Variants in DNAH14 observed in about 807,000 individuals in gnomAD.
The protein encoded by DNAH14 is axonemal beta dynein heavy chain 14.
In DNAH14, 478 loss-of-function variants were observed where a neutral mutation model predicts 520.9. That is an observed-to-expected ratio of 0.92 (90% CI 0.85 to 0.99). The LOEUF is 0.99. Among genes scored for constraint, DNAH14 ranks in the 50% least tolerant of loss-of-function variants. DNAH14 has a pLI of 0.00. For missense variants in DNAH14, 4,831 were observed against 5,234.5 expected (o/e 0.92, Z 2.38); for synonymous variants, 1,581 against 1,757.2 (o/e 0.90, Z 2.51).
chr1:224,946,155 CT>C (rs1418282564), intron 1 of DNAH14, among the ~76,000 whole-genome samples: 1 of 152,202 alleles, frequency 6.6e-6, no homozygotes, highest in African/African-American at 2.4e-5. Context: ...TGGGAGCTTC[CT>C]GGCTGCTTTG....
intron 7 of DNAH14, chr1:224,969,270 A>C (rs781668469): frequency 5.6e-5 from 10 of 179,478 alleles, no homozygotes; most frequent in Non-Finnish European, 1.0e-4. Flanking sequence ...ACTTAAATAC[A>C]CCCTACAGTT....
intron 81 of DNAH14, among the ~76,000 whole-genome samples, chr1:225,385,294 A>G (rs543046096): frequency 1.3e-5 from 2 of 152,324 alleles, no homozygotes; most frequent in South Asian, 4.1e-4. Flanking sequence ...CAAAAACTGG[A>G]AGCATTCCCT....
chr1:225,139,988 A>G (rs1317725854), intron 27 of DNAH14, among the ~76,000 whole-genome samples: 1 of 152,228 alleles, frequency 6.6e-6, no homozygotes, highest in Non-Finnish European at 1.5e-5. Flanking sequence ...AATGCTGTTG[A>G]TATAACAAGT....
At chr1:225,060,550 C>G (rs1227695204) in intron 17 of DNAH14, among the ~76,000 whole-genome samples, 1 of 152,164 alleles carries the variant, frequency 6.6e-6, no homozygotes, top group Non-Finnish European at 1.5e-5. Flanking sequence ...TGTTCGGTTG[C>G]TGGTGAGGAG....
At chr1:225,340,744 G>A in intron 69 of DNAH14, 43 bp downstream of exon 69, 1 of 1,500,542 alleles carries the variant, frequency 6.7e-7, no homozygotes, top group Non-Finnish European at 8.9e-7. Context: ...CTTTGCAAAG[G>A]ATAGAATAAA....
At position 225,303,242 on chromosome 1, in the gene DNAH14, G is replaced by GAT; in HGVS notation, c.8719_8720dup (p.Ser2908LeufsTer20). 1 of 1,551,480 alleles carries GAT rather than the reference G, an allele frequency of 6.4e-7. No homozygotes were observed. Among genetic ancestry groups the GAT allele is most frequent in the Non-Finnish European group, 8.7e-7 (1 of 1,146,798 alleles). On this transcript the variant is annotated frameshift_variant, in exon 57 of 86. Transcript: ENST00000682510. LOFTEE classifies it high-confidence loss of function. ...AAAATTGTAGAGTGTATCCTTCTAT[G>GAT]ATTAGCTCCTGCACGATCGATTGGT...
intron 36 of DNAH14, among the ~76,000 whole-genome samples, chr1:225,168,665 G>A (rs12411174): frequency 0.13 from 19,436 of 152,172 alleles, 1,398 homozygotes; most frequent in East Asian, 0.31. Flanking sequence ...TCTCAAACTG[G>A]GTGGAGCCCA....
At chr1:225,306,384 A>G (rs548890152) in intron 58 of DNAH14, among the ~76,000 whole-genome samples, 1 of 152,278 alleles carries the variant, frequency 6.6e-6, no homozygotes, top group East Asian at 1.9e-4. Context: ...TGGGGTCAGC[A>G]GATCCTAGGA....
At chr1:225,099,676 A>T (rs1384262770) in intron 22 of DNAH14, among the ~76,000 whole-genome samples, 6 of 152,178 alleles carry the variant, frequency 3.9e-5, no homozygotes, top group Non-Finnish European at 5.9e-5. Context: ...AAATGGCAGA[A>T]CAAGGGAATC....
intron 8 of DNAH14, among the ~76,000 whole-genome samples, chr1:224,976,057 G>C (rs1347267096): frequency 1.3e-5 from 2 of 151,798 alleles, no homozygotes; most frequent in Non-Finnish European, 2.9e-5. Context: ...TCTTAATCCT[G>C]AGTTCTAGTT....
chr1:225,147,522 A>G (rs979121366), intron 31 of DNAH14, among the ~76,000 whole-genome samples: 9 of 152,186 alleles, frequency 5.9e-5, no homozygotes, highest in Non-Finnish European at 1.2e-4. Context: ...CTACCAGGAC[A>G]CTGATGCAAA....
intron 83 of DNAH14, 118 bp from the exon 84 acceptor site, chr1:225,392,173 T>G (rs1471519375): frequency 7.8e-7 from 1 of 1,274,280 alleles, no homozygotes; most frequent in Non-Finnish European, 1.1e-6. Flanking sequence ...CCATCTCTTT[T>G]GTTCTCTCTT....
chr1:224,988,956 G>A (rs180969679), intron 8 of DNAH14, among the ~76,000 whole-genome samples: 463 of 152,204 alleles, frequency 3.0e-3, no homozygotes, highest in Middle Eastern at 0.024. Context: ...TTTTTATCAG[G>A]AGCCTACTCC....
At chr1:225,109,940 T>A (rs1171285178) in intron 23 of DNAH14, among the ~76,000 whole-genome samples, 1 of 152,212 alleles carries the variant, frequency 6.6e-6, no homozygotes, top group Non-Finnish European at 1.5e-5. Flanking sequence ...ATTGAAATGA[T>A]CATATGGTTT....
Position 225,338,167 on chromosome 1 carries a change from A to G in DNAH14, c.10418A>G (p.Tyr3473Cys). 5 of 1,551,926 alleles carry G rather than the reference A, an allele frequency of 3.2e-6. No individual in the cohort carries two copies. The highest frequency in any genetic ancestry group is 4.4e-6 in the Non-Finnish European group (5 of 1,146,994). The change falls in exon 68 of 86, where the codon TAC becomes TGC. Residue 3473 changes from tyrosine (Y) to cysteine (C), a missense_variant. Transcript: ENST00000682510. ...FIRVGDAEFE[Y>C]NSNFRLYLST... ...AGGGTTGGTGATGCTGAGTTCGAATACAATTCAAATTTTAGGTAATGTGCC... is the reference window on the plus strand; with the variant it reads ...AGGGTTGGTGATGCTGAGTTCGAATGCAATTCAAATTTTAGGTAATGTGCC...
At chr1:225,150,259 A>G (rs73133599) in intron 31 of DNAH14, among the ~76,000 whole-genome samples, 5,444 of 152,254 alleles carry the variant, frequency 0.036, 310 homozygotes, top group African/African-American at 0.12. Flanking sequence ...TGATCGTGGT[A>G]GATAAGGTTT....
intron 27 of DNAH14, among the ~76,000 whole-genome samples, chr1:225,126,432 T>C (rs955981867): frequency 3.3e-5 from 5 of 152,228 alleles, no homozygotes; most frequent in Non-Finnish European, 5.9e-5. Flanking sequence ...TGGTTTAGTC[T>C]TGGAAGAGTG....
intron 8 of DNAH14, among the ~76,000 whole-genome samples, chr1:224,984,611 C>CA (rs1239925580): frequency 6.6e-6 from 1 of 152,160 alleles, no homozygotes; most frequent in Non-Finnish European, 1.5e-5. Context: ...AGACAATCCA[C>CA]AGAGTGGGAG....
chr1:225,126,793 T>C (rs1213292345), intron 27 of DNAH14, among the ~76,000 whole-genome samples: 1 of 152,124 alleles, frequency 6.6e-6, no homozygotes, highest in Admixed American at 6.6e-5. Context: ...CTTTTAATTG[T>C]GATGTTAGGG....
Sources: gnomAD v4.1 joint callset for allele counts (sites outside exome capture counted in the v4.1 genomes callset) on GRCh38, gnomAD v4.1.1 for gene constraint, MANE v1.5 for transcripts, NCBI Gene and HGNC (gene_info 2026-07-23, HGNC 2026-07-21) for gene names.